The following AFF2 variants were observed in gnomAD, a reference collection of about 807,000 sequenced individuals.
AFF2 encodes the protein AF4/FMR2 family member 2.
Under a neutral mutation model 76.9 loss-of-function variants are expected in AFF2, and 14 were observed. The ratio of observed to expected loss-of-function variants is 0.18; its 90% confidence interval spans 0.12 to 0.28. The LOEUF is 0.28. Ranked by LOEUF, AFF2 falls within the 10% of genes least tolerant of loss-of-function variation. The pLI, the probability that AFF2 is intolerant of heterozygous loss-of-function variation, is 1.00. For synonymous variants in AFF2, 398 were observed against 366.7 expected (o/e 1.09, Z -0.98); for missense variants, 868 against 1,001.1 (o/e 0.87, Z 1.79).
At chrX:148,770,285 CAGA>C (rs2069570703) in intron 3 of AFF2, among the ~76,000 whole-genome samples, 1 of 111,537 alleles carries the variant, frequency 9.0e-6, no homozygotes, top group Non-Finnish European at 1.9e-5. Context: ...GCTTCAGAAG[CAGA>C]AGATTATATT....
At chrX:148,741,639 C>T (rs1557265671) in intron 3 of AFF2, among the ~76,000 whole-genome samples, 1 of 110,876 alleles carries the variant, frequency 9.0e-6, no homozygotes, top group Non-Finnish European at 1.9e-5. Context: ...TGGCGCCCTC[C>T]CCTGGGTTCT....
intron 3 of AFF2, among the ~76,000 whole-genome samples, chrX:148,729,583 T>C (rs1317682937): frequency 9.0e-6 from 1 of 111,648 alleles, no homozygotes; most frequent in Admixed American, 9.5e-5. Context: ...GCTTTCATTC[T>C]GGTGGTGAGT....
intron 7 of AFF2, among the ~76,000 whole-genome samples, chrX:148,855,318 G>C (rs782578065): frequency 9.0e-6 from 1 of 111,622 alleles, no homozygotes; most frequent in African/African-American, 3.2e-5. Context: ...GCCCAACAAA[G>C]ACATATCACC....
chrX:148,651,798 TTTC>T (rs1848988487), intron 1 of AFF2, among the ~76,000 whole-genome samples, 198 bp from the exon 2 acceptor site: 1 of 111,737 alleles, frequency 8.9e-6, no homozygotes, highest in Admixed American at 9.5e-5. Context: ...AAGTTTTTGT[TTTC>T]TTCTTTATTC....
At chrX:148,521,373 T>TACACACACACAC (rs1569550690) in intron 1 of AFF2, among the ~76,000 whole-genome samples, 1 of 56,075 alleles carries the variant, frequency 1.8e-5, no homozygotes, top group African/African-American at 8.4e-5. Context: ...AGCACGTGCA[T>TACACACACACAC]GCACACACAC....
At chrX:148,702,227 C>T (rs183999961) in intron 3 of AFF2, among the ~76,000 whole-genome samples, 205 of 111,616 alleles carry the variant, frequency 1.8e-3, no homozygotes, top group South Asian at 3.3e-3. Flanking sequence ...ACATCTAAAA[C>T]TCCTAACTAA....
intron 9 of AFF2, among the ~76,000 whole-genome samples, chrX:148,948,226 A>T (rs2071923287): frequency 8.9e-6 from 1 of 112,430 alleles, no homozygotes; most frequent in Admixed American, 9.4e-5. Flanking sequence ...CTTATAAAAT[A>T]GCCTACAGAA....
chrX:148,956,205 C>G lies in AFF2; in HGVS notation c.2160C>G (p.Ser720=). The part of the protein sequence containing the change: ...FIETDSSTSD[S]NTDQEETLQI... The stretch of plus-strand genomic sequence containing the variant: ...AAACAGATTCATCTACATCTGACTC[C>G]AACACAGATCAGGAAGAGACCCTGC... The change falls in exon 11 of 21, where the codon TCC becomes TCG. Residue 720 remains serine, a synonymous_variant. Transcript: ENST00000370460. 1 of 1,211,255 alleles carries G rather than the reference C, an allele frequency of 8.3e-7. No individual in the cohort carries two copies. The highest frequency in any genetic ancestry group is 1.7e-5 in the African/African-American group (1 of 57,636).
chrX:148,745,576 A>G (rs1253444927), intron 3 of AFF2, among the ~76,000 whole-genome samples: 1 of 111,661 alleles, frequency 9.0e-6, no homozygotes, highest in African/African-American at 3.3e-5. Flanking sequence ...TGTTTTTAAA[A>G]GTATCTTGAA....
At chrX:148,823,185 C>G (rs1280744275) in intron 4 of AFF2, among the ~76,000 whole-genome samples, 1 of 111,540 alleles carries the variant, frequency 9.0e-6, no homozygotes, top group Non-Finnish European at 1.9e-5. Context: ...AGAGTGGAGA[C>G]CATGCAGCAT....
chrX:148,945,574 T>G (rs2071891011), intron 9 of AFF2, among the ~76,000 whole-genome samples: 1 of 112,086 alleles, frequency 8.9e-6, no homozygotes, highest in Non-Finnish European at 1.9e-5. Context: ...ATATTGGAAC[T>G]GCAGAACTCA....
intron 3 of AFF2, among the ~76,000 whole-genome samples, chrX:148,768,181 C>A (rs1356432453): frequency 9.2e-6 from 1 of 108,835 alleles, no homozygotes; most frequent in Non-Finnish European, 1.9e-5. Context: ...CAGCCCTTTT[C>A]TGAACCCCTC....
At chrX:148,665,579 C>T (rs1314879965) in intron 3 of AFF2, among the ~76,000 whole-genome samples, 1 of 111,614 alleles carries the variant, frequency 9.0e-6, no homozygotes, top group Non-Finnish European at 1.9e-5. Flanking sequence ...AGAGGTTACA[C>T]GGCCCAACAA....
At chrX:148,864,239 GA>G (rs2070881617) in intron 7 of AFF2, among the ~76,000 whole-genome samples, 1 of 112,366 alleles carries the variant, frequency 8.9e-6, no homozygotes, top group East Asian at 2.8e-4. Flanking sequence ...ATTTTCAACA[GA>G]ATATTCTCCT....
chrX:148,834,211 G>A (rs1046297325), intron 4 of AFF2, among the ~76,000 whole-genome samples: 2 of 112,299 alleles, frequency 1.8e-5, no homozygotes, highest in African/African-American at 6.5e-5. Context: ...AATACTAAAA[G>A]ATAAAACAGT....
At chrX:148,795,872 T>TATATATACATAC (rs58337451) in intron 3 of AFF2, among the ~76,000 whole-genome samples, 1 of 33,677 alleles carries the variant, frequency 3.0e-5, no homozygotes, top group Non-Finnish European at 6.1e-5. Flanking sequence ...TATATATATA[T>TATATATACATAC]ACACACCTAA....
intron 17 of AFF2, 122 bp from the exon 18 acceptor site, chrX:148,978,235 ATTTAC>A: frequency 3.7e-6 from 2 of 541,940 alleles, no homozygotes; most frequent in Admixed American, 6.3e-5. Flanking sequence ...GAATTTCTTT[ATTTAC>A]TTATGTTTCT....
chrX:148,991,688 A>C lies in AFF2; in HGVS notation c.*356A>C, dbSNP rs782035224. 4.0e-5 allele frequency: 5 copies of C among 124,379 alleles called. No individual in the cohort carries two copies. Among genetic ancestry groups the C allele is most frequent in the African/African-American group, 1.6e-4 (5 of 31,385 alleles). 10.3% of individuals were successfully genotyped at this position (124,379 alleles called of 1,213,427 possible). A position where few individuals can be genotyped will look rare whatever the true frequency, so the allele number is the denominator to read the frequency against. ...TGTGATAAAGACAGGCTCCTGAGAAATGCAACAAGTGGTCTTACATATACA... is the reference window on the plus strand; with the variant it reads ...TGTGATAAAGACAGGCTCCTGAGAACTGCAACAAGTGGTCTTACATATACA... On this transcript the variant is annotated 3_prime_UTR_variant, in exon 21 of 21. Coordinates refer to ENST00000370460, the MANE Select transcript of AFF2 (RefSeq NM_002025.4).
intron 3 of AFF2, among the ~76,000 whole-genome samples, chrX:148,757,822 A>G (rs1455991473): frequency 8.9e-6 from 1 of 112,101 alleles, no homozygotes; most frequent in Non-Finnish European, 1.9e-5. Context: ...ATAATTATTC[A>G]AAAAGGTTAA....
Sources: allele counts gnomAD v4.1 joint callset (sites outside exome capture counted in the v4.1 genomes callset), GRCh38; gene constraint gnomAD v4.1.1; transcripts MANE v1.5; gene names NCBI Gene and HGNC (gene_info 2026-07-23, HGNC 2026-07-21).